NBR1: variants seen among roughly 807,000 people sequenced by gnomAD.
The protein encoded by NBR1 is next to BRCA1 gene 1 protein.
A neutral mutation model predicts 115.5 loss-of-function variants in NBR1; 59 were observed. The observed-to-expected ratio is 0.51, with a 90% CI of 0.41 to 0.63. The LOEUF (loss-of-function observed/expected upper bound fraction) is 0.63, where lower values mean the gene tolerates loss of function less well. Ranked by LOEUF, NBR1 falls within the 30% of genes least tolerant of loss-of-function variation. The pLI, the probability that NBR1 is intolerant of heterozygous loss-of-function variation, is 0.00. For missense variants in NBR1, 1,043 were observed against 1,150.5 expected (o/e 0.91, Z 1.35); for synonymous variants, 373 against 414.7 (o/e 0.90, Z 1.22).
At chr17:43,198,072 G>A (rs1410680852) in intron 16 of NBR1, among the ~76,000 whole-genome samples, 2 of 151,880 alleles carry the variant, frequency 1.3e-5, no homozygotes, top group African/African-American at 2.4e-5. Context: ...GGAGGCTGAG[G>A]CAGGAGAATC....
At chr17:43,179,074 G>T (rs2056599121) in intron 3 of NBR1, among the ~76,000 whole-genome samples, 1 of 152,120 alleles carries the variant, frequency 6.6e-6, no homozygotes, top group African/African-American at 2.4e-5. Flanking sequence ...GGAAACTGAG[G>T]CACAGAGAGG....
chr17:43,177,038 A>G (rs898322624), intron 2 of NBR1, among the ~76,000 whole-genome samples: 3 of 152,176 alleles, frequency 2.0e-5, no homozygotes, highest in African/African-American at 7.2e-5. Flanking sequence ...TGGGAGGCCA[A>G]GATGGGTGGA....
At chr17:43,198,923 A>G (rs778031715) in intron 16 of NBR1, among the ~76,000 whole-genome samples, 2 of 152,152 alleles carry the variant, frequency 1.3e-5, no homozygotes, top group African/African-American at 2.4e-5. Context: ...AGATCATGCT[A>G]CTGCACTTCA....
At chr17:43,187,950 G>A (rs2056857333) in intron 6 of NBR1, among the ~76,000 whole-genome samples, 1 of 137,356 alleles carries the variant, frequency 7.3e-6, no homozygotes, top group South Asian at 2.3e-4. Context: ...GAGTGCAGTG[G>A]TGCAATCCGG....
chr17:43,201,824 C>A, intron 18 of NBR1, 44 bp downstream of exon 18: 1 of 1,117,726 alleles, frequency 8.9e-7, no homozygotes, highest in South Asian at 1.3e-5. Context: ...CTGCTCCTGT[C>A]TAATGGAAAC....
intron 4 of NBR1, 133 bp from the exon 5 acceptor site, chr17:43,180,662 A>G (rs780188420): frequency 7.8e-5 from 81 of 1,034,530 alleles, no homozygotes; most frequent in African/African-American, 1.5e-4. Flanking sequence ...AGGATTGGCT[A>G]TCCTTAATCT....
chr17:43,202,462 T>C (rs1043733959), intron 18 of NBR1, among the ~76,000 whole-genome samples, 193 bp from the exon 19 acceptor site: 5 of 151,962 alleles, frequency 3.3e-5, no homozygotes, highest in Non-Finnish European at 5.9e-5. Context: ...TCATCTTGCA[T>C]TGCATTTCTG....
At chr17:43,180,210 A>G (rs1177081406) in intron 4 of NBR1, among the ~76,000 whole-genome samples, 1 of 152,206 alleles carries the variant, frequency 6.6e-6, no homozygotes, top group East Asian at 1.9e-4. Flanking sequence ...AAATGCATCA[A>G]TTAGGTGATT....
chr17:43,189,667 C>T lies in NBR1; in HGVS notation c.560C>T (p.Ser187Phe). Residue 187 changes from serine to phenylalanine, a missense_variant, in exon 8 of 21, where the codon TCC (serine) becomes TTC (phenylalanine). Physicochemically the swap from Ser to Phe is radical, Grantham distance 155. Transcript: ENST00000590996. ...LHEKLVLQNP[S>F]LGSCPSEVSM... ...GAAAAGCTTGTCCTCCAGAACCCAT[C>T]CTTGGGTTCTTGTCCCTCAGAAGTC... 3 of 1,613,566 alleles carry T rather than the reference C, an allele frequency of 1.9e-6. No individual in the cohort carries two copies. The East Asian group carries it at 6.7e-5, about 36-fold the overall frequency.
chr17:43,172,464 A>T (rs1264665748), intron 1 of NBR1, among the ~76,000 whole-genome samples: 2 of 152,170 alleles, frequency 1.3e-5, no homozygotes, highest in Admixed American at 1.3e-4. Flanking sequence ...GTGTTTCTTG[A>T]AGTTGGAAAG....
chr17:43,185,574 G>A (rs1442259026), intron 5 of NBR1, among the ~76,000 whole-genome samples: 7 of 151,916 alleles, frequency 4.6e-5, no homozygotes, highest in South Asian at 2.1e-4. Context: ...GGTGGCATGC[G>A]CCTGTAATCC....
intron 16 of NBR1, 132 bp from the exon 17 acceptor site, chr17:43,200,035 T>G: frequency 1.4e-6 from 1 of 708,220 alleles, no homozygotes; most frequent in South Asian, 2.0e-5. Flanking sequence ...GAACCAGCCC[T>G]TCCCTTTAGT....
At chr17:43,188,584 T>C (rs1209851619) in intron 6 of NBR1, among the ~76,000 whole-genome samples, 1 of 152,246 alleles carries the variant, frequency 6.6e-6, no homozygotes, top group African/African-American at 2.4e-5. Flanking sequence ...AGGGTTTTTA[T>C]GGTTTTAGAT....
At chr17:43,187,256 T>C (rs1385032700) in intron 6 of NBR1, among the ~76,000 whole-genome samples, 1 of 151,978 alleles carries the variant, frequency 6.6e-6, no homozygotes, top group Non-Finnish European at 1.5e-5. Context: ...TCTCGGCTTA[T>C]TGCAAGCTCT....
intron 4 of NBR1, among the ~76,000 whole-genome samples, chr17:43,180,152 A>G (rs1178340815): frequency 6.6e-6 from 1 of 152,210 alleles, no homozygotes; most frequent in Non-Finnish European, 1.5e-5. Flanking sequence ...GATGTTATGA[A>G]ATACATATAC....
intron 12 of NBR1, 136 bp from the exon 13 acceptor site, chr17:43,194,214 C>A: frequency 1.2e-6 from 1 of 825,698 alleles, no homozygotes; most frequent in Non-Finnish European, 1.8e-6. Flanking sequence ...TTTTCTATAA[C>A]TGTAAAAATA....
At position 43,175,908 on chromosome 17, in the gene NBR1, GTTACT is replaced by G. The variant is rs750836695; in HGVS notation, c.102+11_102+15del. Reference sequence around the variant, plus strand: ...GGCTGATATCGAAGCTATGGTGAGTGTTACTTTATTTTGTTTCTCCTTGGTTTAAG... The same window carrying G: ...GGCTGATATCGAAGCTATGGTGAGTGTTATTTTGTTTCTCCTTGGTTTAAG... On this transcript the variant is annotated splice_region_variant and intron_variant, in intron 2 of 20. Transcript: ENST00000590996. 31 of 1,498,770 alleles carry G rather than the reference GTTACT, an allele frequency of 2.1e-5. No individual in the cohort carries two copies. The South Asian group carries it at 3.5e-4, about 17-fold the overall frequency. The allele number at this position is 1,498,770 out of a possible 1,614,324, so 92.8% of individuals were successfully genotyped here. A position where few individuals can be genotyped will look rare whatever the true frequency, so the allele number is the denominator to read the frequency against.
Position 43,202,666 on chromosome 17 carries a change from T to C in NBR1, c.2575T>C (p.Ser859Pro). The C allele has an allele frequency of 6.3e-7, 1 of 1,575,992 alleles. No homozygotes were observed. The highest frequency in any genetic ancestry group is 1.2e-5 in the South Asian group (1 of 85,796). The part of the protein sequence containing the change: ...PDQIRGEPRG[S>P]SGLVNSRQKS... The stretch of plus-strand genomic sequence containing the variant: ...TCTTTTGCTTTTAGAGCCCAGAGGC[T>C]CATCAGGACTTGTAAACAGCAGACA... The change falls in exon 19 of 21, where the codon TCA (serine) becomes CCA (proline). Residue 859 changes from serine (S) to proline (P), a missense_variant. Transcript: ENST00000590996.
intron 5 of NBR1, 99 bp downstream of exon 5, chr17:43,180,916 G>A (rs1425695367): frequency 1.7e-6 from 2 of 1,149,480 alleles, no homozygotes; most frequent in Non-Finnish European, 2.2e-6. Context: ...CTGTCATCCA[G>A]GCTGGTGTGC....
Sources: gnomAD v4.1 joint callset for allele counts (sites outside exome capture counted in the v4.1 genomes callset) on GRCh38, gnomAD v4.1.1 for gene constraint, MANE v1.5 for transcripts, NCBI Gene and HGNC (gene_info 2026-07-23, HGNC 2026-07-21) for gene names.